Variants in CACNA1I observed in about 807,000 individuals in gnomAD.
CACNA1I encodes the protein voltage-dependent T-type calcium channel subunit alpha-1I.
A neutral mutation model predicts 201.6 loss-of-function variants in CACNA1I; 74 were observed. The ratio of observed to expected loss-of-function variants is 0.37; its 90% CI spans 0.30 to 0.45. The LOEUF (loss-of-function observed/expected upper bound fraction) is 0.45, where lower values mean the gene tolerates loss of function less well. Among genes scored for constraint, CACNA1I ranks in the 20% least tolerant of loss-of-function variants. The pLI, the probability that CACNA1I is intolerant of heterozygous loss-of-function variation, is 1.00. For synonymous variants in CACNA1I, 1,431 were observed against 1,345.2 expected (o/e 1.06, Z -1.40); for missense variants, 2,346 against 3,138.1 (o/e 0.75, Z 6.03).
At chr22:39,655,927 G>A (rs948827986) in intron 10 of CACNA1I, among the ~76,000 whole-genome samples, 1 of 152,178 alleles carries the variant, frequency 6.6e-6, no homozygotes, top group Non-Finnish European at 1.5e-5. Flanking sequence ...TGTGCGTGGC[G>A]CGCGCGGCTG....
rs1468881212 is a variant in CACNA1I, at chr22:39,661,160, TCTC to T, written c.2753_2755del (p.Leu918del). 6.2e-7 allele frequency: 1 copy of T among 1,613,070 alleles called. No homozygotes were observed. The highest frequency in any genetic ancestry group is 8.5e-7 in the Non-Finnish European group (1 of 1,179,760). ...CCCCCAATGGGCACCTGGACCCCAG[TCTC>T]CCACTGGGTGGGCACCTAGGTCCTG... On this transcript the variant is annotated inframe_deletion, in exon 16 of 37. Transcript: ENST00000402142.
chr22:39,585,386 C>CTTTTTTTTTTTT (rs67733131), intron 1 of CACNA1I, among the ~76,000 whole-genome samples: 5 of 90,448 alleles, frequency 5.5e-5, no homozygotes, highest in Non-Finnish European at 1.1e-4. Flanking sequence ...TTCTTTCTTT[C>CTTTTTTTTTTTT]TTTTTTTTTT....
At chr22:39,650,294 G>C (rs1455099074) in intron 10 of CACNA1I, among the ~76,000 whole-genome samples, 2 of 148,940 alleles carry the variant, frequency 1.3e-5, no homozygotes, top group African/African-American at 4.9e-5. Context: ...GAGCCCTTCT[G>C]TTTTCTTCTT....
intron 28 of CACNA1I, among the ~76,000 whole-genome samples, chr22:39,673,472 C>T (rs142987427): frequency 2.0e-4 from 30 of 152,328 alleles, no homozygotes; most frequent in African/African-American, 5.8e-4. Context: ...CTGGGACGCA[C>T]GGTCTTCAGA....
chr22:39,617,274 G>C (rs1008770043), intron 3 of CACNA1I, among the ~76,000 whole-genome samples: 11 of 152,350 alleles, frequency 7.2e-5, no homozygotes, highest in African/African-American at 2.6e-4. Context: ...CTGGGCAGGT[G>C]TGCCCTCTGG....
chr22:39,572,422 T>C (rs1932214279), intron 1 of CACNA1I, among the ~76,000 whole-genome samples: 1 of 152,034 alleles, frequency 6.6e-6, no homozygotes, highest in African/African-American at 2.4e-5. Context: ...AGATGCAGGC[T>C]GGGATGTTGA....
At position 39,686,652 on chromosome 22, in the gene CACNA1I, A is replaced by ATATATATATATG. The variant is rs1420348207; in HGVS notation, c.*248_*249insATATATATATGT. 5.6e-5 allele frequency: 8 copies of ATATATATATATG among 143,908 alleles called. No homozygotes were observed. The highest frequency in any genetic ancestry group is 1.2e-4 in the Non-Finnish European group (8 of 66,918). 8.9% of individuals were successfully genotyped at this position (143,908 alleles called of 1,614,324 possible). ...CATATATATATATATATATATATAT[A>ATATATATATATG]TGTGTATACACACACACATAGACAG... On this transcript the variant is annotated 3_prime_UTR_variant, in exon 37 of 37. Transcript: ENST00000402142.
intron 1 of CACNA1I, among the ~76,000 whole-genome samples, chr22:39,573,409 G>A (rs574683691): frequency 6.6e-6 from 1 of 152,254 alleles, no homozygotes; most frequent in African/African-American, 2.4e-5. Flanking sequence ...TCTCTGATGG[G>A]CTCTGGCTGG....
intron 3 of CACNA1I, among the ~76,000 whole-genome samples, chr22:39,613,719 G>C (rs758851564): frequency 6.6e-6 from 1 of 152,200 alleles, no homozygotes; most frequent in African/African-American, 2.4e-5. Flanking sequence ...AGAGGGTAAC[G>C]CTCCCGAGCC....
At chr22:39,658,035 G>A in intron 10 of CACNA1I, 117 bp from the exon 11 acceptor site, 1 of 1,012,266 alleles carries the variant, frequency 9.9e-7, no homozygotes, top group South Asian at 1.5e-5. Context: ...GGGAGACGGA[G>A]GTATGGTGAG....
At chr22:39,663,982 C>A in intron 19 of CACNA1I, 109 bp from the exon 20 acceptor site, 2 of 1,506,668 alleles carry the variant, frequency 1.3e-6, no homozygotes, top group Non-Finnish European at 1.8e-6. Context: ...CCTCCGTGAA[C>A]TGAGAGGTGG....
chr22:39,630,285 C>G (rs776019653), intron 4 of CACNA1I, among the ~76,000 whole-genome samples: 1 of 152,236 alleles, frequency 6.6e-6, no homozygotes, highest in Non-Finnish European at 1.5e-5. Context: ...TTTCACCCAA[C>G]GAACGAGGAC....
intron 1 of CACNA1I, among the ~76,000 whole-genome samples, chr22:39,589,694 C>T (rs2145815138): frequency 6.6e-6 from 1 of 152,214 alleles, no homozygotes; most frequent in East Asian, 1.9e-4. Flanking sequence ...ATGGAGCTGG[C>T]CCAAGAACTG....
intron 10 of CACNA1I, among the ~76,000 whole-genome samples, chr22:39,654,410 G>A (rs75934661): frequency 0.015 from 2,341 of 152,290 alleles, 53 homozygotes; most frequent in African/African-American, 0.053. Context: ...GGGTTGGGGC[G>A]CATGGGCAGC....
At chr22:39,618,277 CTG>C (rs57010174) in intron 3 of CACNA1I, among the ~76,000 whole-genome samples, 56 of 145,458 alleles carry the variant, frequency 3.8e-4, no homozygotes, top group Middle Eastern at 7.1e-3. Flanking sequence ...AAGTGTGTGA[CTG>C]TGTGTGTGAC....
At chr22:39,664,712 C>CG in intron 20 of CACNA1I, 27 bp from the exon 21 acceptor site, 1 of 1,258,118 alleles carries the variant, frequency 7.9e-7, no homozygotes, top group African/African-American at 1.5e-5. Context: ...CCGCGGCAGC[C>CG]TGACCCCGGC....
In CACNA1I at chr22:39,646,460, C is replaced by G. The variant is rs116046972; in HGVS notation, c.1150-109C>G. ...CCATCTCCCCATCTCCCTCTGCCTCCCTCTCCCCATGTCTCCCTGCTGTCC... is the reference window on the plus strand; with the variant it reads ...CCATCTCCCCATCTCCCTCTGCCTCGCTCTCCCCATGTCTCCCTGCTGTCC... On this transcript the variant is annotated intron_variant, in intron 7 of 36. Coordinates refer to ENST00000402142, the MANE Select transcript of CACNA1I (RefSeq NM_021096.4). 1.4e-3 allele frequency: 2,043 copies of G among 1,441,922 alleles called. 24 individuals are homozygous for G. The African/African-American group carries it at 0.024, about 17-fold the overall frequency. 89.3% of individuals were successfully genotyped at this position (1,441,922 alleles called of 1,614,324 possible). A position where few individuals can be genotyped will look rare whatever the true frequency, so the allele number is the denominator to read the frequency against.
At position 39,627,652 on chromosome 22, in the gene CACNA1I, C is replaced by G. The variant is rs372040618; in HGVS notation, c.581-6913C>G. 3.9e-5 allele frequency among the ~76,000 whole-genome samples: 6 copies of G among 152,356 alleles called. No homozygotes were observed. In the East Asian group the frequency reaches 7.7e-4, roughly 20 times the overall value. On this transcript the variant is annotated intron_variant, in intron 4 of 36. Coordinates refer to ENST00000402142, the MANE Select transcript of CACNA1I (RefSeq NM_021096.4). ...TTGTTGGACAGTTCTGAGAGATGCA[C>G]CTTGAAATAGTTGGCGTGGAAGTGT... is the stretch of plus-strand genomic sequence containing the variant.
intron 1 of CACNA1I, among the ~76,000 whole-genome samples, chr22:39,587,471 G>A (rs1464838537): frequency 6.6e-6 from 1 of 152,126 alleles, no homozygotes; most frequent in Non-Finnish European, 1.5e-5. Flanking sequence ...TGTCATCTCG[G>A]GCAAGTGCTG....
Sources: allele counts gnomAD v4.1 joint callset (sites outside exome capture counted in the v4.1 genomes callset), GRCh38; gene constraint gnomAD v4.1.1; transcripts MANE v1.5; gene names NCBI Gene and HGNC (gene_info 2026-07-23, HGNC 2026-07-21).